The following ZNF484 variants were observed in gnomAD, a reference collection of about 807,000 sequenced individuals.
ZNF484 encodes zinc finger protein 484.
ZNF484 carries 11 observed loss-of-function variants against 12.9 expected under a neutral mutation model. The ratio of observed to expected loss-of-function variants is 0.85; its 90% CI spans 0.54 to 1.41. The LOEUF is 1.41. ZNF484 is among the 40% of genes most tolerant of loss of function. The pLI, the probability that ZNF484 is intolerant of heterozygous loss-of-function variation, is 0.00. For missense variants in ZNF484, 807 were observed against 1,007.7 expected (o/e 0.80, Z 2.70); for synonymous variants, 289 against 334.1 (o/e 0.86, Z 1.47).
intron 2 of ZNF484, among the ~76,000 whole-genome samples, chr9:92,859,835 C>G (rs1190974389): frequency 6.6e-6 from 1 of 152,160 alleles, no homozygotes; most frequent in Non-Finnish European, 1.5e-5. Context: ...CAAAATCAGC[C>G]AAGGGAAGAT....
intron 2 of ZNF484, 112 bp downstream of exon 2, chr9:92,874,903 T>C: frequency 2.9e-6 from 3 of 1,050,542 alleles, no homozygotes; most frequent in Non-Finnish European, 4.1e-6. Context: ...CTGATCTTAG[T>C]TTTTATTTAT....
At position 92,856,281 on chromosome 9, in the gene ZNF484, C is replaced by A; in HGVS notation, c.53G>T (p.Ser18Ile). 1 of 1,611,688 alleles carries A rather than the reference C, an allele frequency of 6.2e-7. No homozygotes were observed. The change falls in exon 3 of 5, where the codon AGT becomes ATT. Residue 18 changes from serine to isoleucine, a missense_variant. Transcript: ENST00000375495. ...GTCTAATTGTTGCCACTCATCCCTACTGAAGTCTACAGTTACGTCCTTGAA... is the reference window on the plus strand; with the variant it reads ...GTCTAATTGTTGCCACTCATCCCTAATGAAGTCTACAGTTACGTCCTTGAA... ...VSFKDVTVDF[S>I]RDEWQQLDLA...
chr9:92,855,994 G>C (rs928928519), intron 3 of ZNF484, 91 bp from the exon 4 acceptor site: 139 of 1,461,946 alleles, frequency 9.5e-5, no homozygotes, highest in Non-Finnish European at 1.3e-4. Flanking sequence ...TGGGAACAGA[G>C]GAATATTCAC....
chr9:92,853,931 G>T (rs1856267246), intron 4 of ZNF484, among the ~76,000 whole-genome samples: 1 of 151,910 alleles, frequency 6.6e-6, no homozygotes, highest in Non-Finnish European at 1.5e-5. Flanking sequence ...GGCTTTCTGG[G>T]GACAGCTCCA....
intron 4 of ZNF484, among the ~76,000 whole-genome samples, chr9:92,853,015 G>A (rs897619661): frequency 6.6e-5 from 10 of 152,202 alleles, no homozygotes; most frequent in African/African-American, 2.4e-4. Flanking sequence ...CTACTGAGAG[G>A]AGAATCTGTC....
chr9:92,864,159 A>G (rs1475636682), intron 2 of ZNF484, among the ~76,000 whole-genome samples: 1 of 152,184 alleles, frequency 6.6e-6, no homozygotes, highest in Admixed American at 6.5e-5. Flanking sequence ...TTTCTTCCCT[A>G]ATAACAGAAC....
chr9:92,844,354 T>C lies in ZNF484; in HGVS notation c.*1874A>G, dbSNP rs1253796979. Among the ~76,000 whole-genome samples, 1 of 152,164 alleles carries C rather than the reference T, an allele frequency of 6.6e-6. No homozygotes were observed. Among genetic ancestry groups the C allele is most frequent in the Non-Finnish European group, 1.5e-5 (1 of 68,028 alleles). ...AGAGAAGGAGAATGAGGCAGATGCA[T>C]AATTTGAATAGATAATAGCTAGGAA... On this transcript the variant is annotated 3_prime_UTR_variant, in exon 5 of 5. Coordinates refer to ENST00000375495, the MANE Select transcript of ZNF484 (RefSeq NM_031486.4).
chr9:92,856,377 A>G, intron 2 of ZNF484, 59 bp from the exon 3 acceptor site: 1 of 1,196,768 alleles, frequency 8.4e-7, no homozygotes. Context: ...TTTGAATTCA[A>G]AAAAAAAAAC....
At chr9:92,875,849 A>C (rs1857769558) in intron 1 of ZNF484, among the ~76,000 whole-genome samples, 2 of 130,048 alleles carry the variant, frequency 1.5e-5, no homozygotes. Flanking sequence ...AATAGAAAAC[A>C]CTTCTAAATC....
chr9:92,846,114 C>T lies in ZNF484; in HGVS notation c.*114G>A, dbSNP rs1457520094. The T allele has an allele frequency of 1.8e-5, 19 of 1,065,988 alleles. No individual in the cohort carries two copies. Among genetic ancestry groups the T allele is most frequent in the Non-Finnish European group, 2.6e-5 (19 of 736,396 alleles). 66.0% of individuals were successfully genotyped at this position (1,065,988 alleles called of 1,614,324 possible). On this transcript the variant is annotated 3_prime_UTR_variant, in exon 5 of 5. Transcript: ENST00000375495. The stretch of plus-strand genomic sequence containing the variant: ...TATTATTTGCAGGAGCTTGACAACA[C>T]CAATATCAAGTAACCAAAGATGGCC...
chr9:92,852,608 C>A (rs1448843761), intron 4 of ZNF484, among the ~76,000 whole-genome samples: 1 of 141,540 alleles, frequency 7.1e-6, no homozygotes, highest in African/African-American at 2.7e-5. Context: ...GCGGTCTCAG[C>A]TCACTGCAAC....
rs975045199 is a variant in ZNF484 at position 92,846,251 on chromosome 9, G to T, written c.2536C>A (p.Gln846Lys). The change falls in exon 5 of 5, where the codon CAA becomes AAA. Residue 846 changes from glutamine to lysine, a missense_variant. By Grantham distance (53) the Gln-to-Lys change is moderately conservative. Transcript: ENST00000375495. ...QLWCGDSEGD[Q>K]GQLSSI is the part of the protein sequence containing the mutation. ...AACTAGATAGAAGAAAGTTGGCCTT[G>T]GTCACCTTCTGAGTCCCCACACCAT... is the stretch of plus-strand genomic sequence containing the variant. 9 of 1,613,156 alleles carry T rather than the reference G, an allele frequency of 5.6e-6. No homozygotes were observed. The highest frequency in any genetic ancestry group is 7.6e-6 in the Non-Finnish European group (9 of 1,179,664).
chr9:92,865,672 C>T (rs539448163), intron 2 of ZNF484, among the ~76,000 whole-genome samples: 16 of 152,094 alleles, frequency 1.1e-4, no homozygotes, highest in South Asian at 4.2e-4. Flanking sequence ...TTTAGGAGGC[C>T]GAGGCAGGAG....
intron 4 of ZNF484, among the ~76,000 whole-genome samples, chr9:92,849,092 T>C (rs949584899): frequency 1.3e-5 from 2 of 151,346 alleles, no homozygotes; most frequent in African/African-American, 4.9e-5. Flanking sequence ...AGAAACCTCA[T>C]CTCTACTAAA....
intron 2 of ZNF484, among the ~76,000 whole-genome samples, chr9:92,866,398 C>G (rs1211896442): frequency 6.6e-6 from 1 of 152,214 alleles, no homozygotes; most frequent in Non-Finnish European, 1.5e-5. Flanking sequence ...AAAAGCTCAA[C>G]ATCACTGATC....
intron 2 of ZNF484, among the ~76,000 whole-genome samples, chr9:92,872,010 C>A (rs569746291): frequency 6.6e-6 from 1 of 152,138 alleles, no homozygotes; most frequent in South Asian, 2.1e-4. Flanking sequence ...GCGGGCGGAT[C>A]GCCTGAGGTT....
chr9:92,846,899 G>C lies in ZNF484; in HGVS notation c.1888C>G (p.His630Asp), dbSNP rs1475728396. 3 of 1,613,934 alleles carry C rather than the reference G, an allele frequency of 1.9e-6. No individual in the cohort carries two copies. Among genetic ancestry groups the C allele is most frequent in the East Asian group, 4.5e-5 (2 of 44,878 alleles). Reference sequence around the variant, plus strand: ...CACCTATAGGGTTTCTCTCCTGTGTGAATCTGCTGATGTACGTGGAGCTGT... The same window carrying C: ...CACCTATAGGGTTTCTCTCCTGTGTCAATCTGCTGATGTACGTGGAGCTGT... ...KSQLHVHQQI[H>D]TGEKPYRCAE... The change falls in exon 5 of 5, where the codon CAC (histidine) becomes GAC (aspartate). Residue 630 changes from histidine to aspartate, a missense_variant. Coordinates refer to ENST00000375495, the MANE Select transcript of ZNF484 (RefSeq NM_031486.4).
In ZNF484 at chr9:92,845,970, T is replaced by G. The variant is rs1855558026; in HGVS notation, c.*258A>C. The G allele has an allele frequency of 6.7e-6, 3 of 450,342 alleles. No individual in the cohort carries two copies. Among genetic ancestry groups the G allele is most frequent in the South Asian group, 3.6e-5 (1 of 27,758 alleles). 27.9% of individuals were successfully genotyped at this position (450,342 alleles called of 1,614,324 possible). On this transcript the variant is annotated 3_prime_UTR_variant, in exon 5 of 5. Transcript: ENST00000375495. The surrounding 1 kb of genome is among the most constrained non-coding windows in gnomAD (Gnocchi z 4.0). ...ACTACTCATTATGAATTTTTGCGGG[T>G]CAATATTGAATAGTTGTGGTACCCA...
At chr9:92,862,314 T>C (rs1444580247) in intron 2 of ZNF484, 3 of 188,812 alleles carry the variant, frequency 1.6e-5, no homozygotes, top group African/African-American at 7.1e-5. Flanking sequence ...TTACACAATA[T>C]GCTTCAAGAC....
Sources: gnomAD v4.1 joint callset for allele counts (sites outside exome capture counted in the v4.1 genomes callset) on GRCh38, gnomAD v4.1.1 for gene constraint, Gnocchi (gnomAD v3.1) non-coding constraint, MANE v1.5 for transcripts, NCBI Gene and HGNC (gene_info 2026-07-23, HGNC 2026-07-21) for gene names.